Variants in UNC13C observed in about 807,000 individuals in gnomAD.
UNC13C encodes unc-13 homolog C, also known as protein unc-13 homolog C.
UNC13C carries 174 observed loss-of-function variants against 245.4 expected under a neutral mutation model. The observed-to-expected ratio is 0.71, with a 90% CI of 0.63 to 0.80. UNC13C has a LOEUF of 0.80. UNC13C is among the 30% of genes least tolerant of loss of function. The probability of loss-of-function intolerance (pLI) is 0.00; values close to 1 mark genes in which losing one functional copy is unlikely to be tolerated. For synonymous variants in UNC13C, 992 were observed against 895.1 expected (o/e 1.11, Z -1.93); for missense variants, 2,829 against 2,602.9 (o/e 1.09, Z -1.89).
At chr15:54,076,724 C>T (rs1054845355) in intron 2 of UNC13C, among the ~76,000 whole-genome samples, 2 of 152,124 alleles carry the variant, frequency 1.3e-5, no homozygotes. Flanking sequence ...ACCCAACACA[C>T]AAATACACAC....
chr15:54,027,097 A>T (rs978223218), intron 2 of UNC13C, among the ~76,000 whole-genome samples: 1 of 152,014 alleles, frequency 6.6e-6, no homozygotes, highest in South Asian at 2.1e-4. Context: ...AAAGGAAAAG[A>T]TCCCCTCAGG....
the UNC13C span, among the ~76,000 whole-genome samples, chr15:53,866,956 T>C: frequency 6.6e-6 from 1 of 152,180 alleles, no homozygotes; most frequent in African/African-American, 2.4e-5. Context: ...TTGGAAATGG[T>C]TTCAGGTTGT....
At chr15:54,076,734 C>A (rs180880647) in intron 2 of UNC13C, among the ~76,000 whole-genome samples, 24 of 152,248 alleles carry the variant, frequency 1.6e-4, no homozygotes, top group Non-Finnish European at 2.2e-4. Context: ...CAAATACACA[C>A]CTTTACCTTC....
intron 19 of UNC13C, among the ~76,000 whole-genome samples, chr15:54,460,872 C>T (rs1211717518): frequency 6.6e-6 from 1 of 152,176 alleles, no homozygotes; most frequent in East Asian, 1.9e-4. Context: ...ATTTTCCTCT[C>T]AAGTCTAGAA....
rs143743140 is a variant in UNC13C, at chr15:54,394,525, TTG to T, written c.4847+1348_4847+1349del. Among the ~76,000 whole-genome samples the T allele has an allele frequency of 4.2e-3, 644 of 151,598 alleles. 30 individuals carry two copies. The East Asian group carries it at 0.091, about 21-fold the overall frequency. On this transcript the variant is annotated intron_variant, in intron 18 of 32. Coordinates refer to ENST00000260323, the MANE Select transcript of UNC13C (RefSeq NM_001080534.3). ...TCTCTGACAGCTTTGTAGAATAGAG[TTG>T]TGTTTTCTTATTTACTCTTTGGACC...
At chr15:53,993,127 A>G (rs1183596454) in intron 1 of UNC13C, among the ~76,000 whole-genome samples, 2 of 152,200 alleles carry the variant, frequency 1.3e-5, no homozygotes, top group East Asian at 3.9e-4. Flanking sequence ...CTTCCTTGCT[A>G]TCAATTTTCT....
chr15:54,502,641 T>G (rs993615952), intron 22 of UNC13C, among the ~76,000 whole-genome samples: 2 of 152,148 alleles, frequency 1.3e-5, no homozygotes, highest in African/African-American at 2.4e-5. Context: ...TTAGGAATAG[T>G]GTTTGACAAA....
Position 54,329,552 on chromosome 15 carries a change from G to A in UNC13C, c.4426-2491G>A, listed in dbSNP as rs369164453. Among the ~76,000 whole-genome samples the A allele has an allele frequency of 3.9e-5, 6 of 151,988 alleles. No individual in the cohort carries two copies. In the East Asian group the frequency reaches 5.8e-4, roughly 15 times the overall value. On this transcript the variant is annotated intron_variant, in intron 14 of 32. Transcript: ENST00000260323. ...ACATTTTTTAATCACCCAGTCTTTC[G>A]TTATTCCACAAATCACACCCTACAG...
At chr15:54,592,953 T>C (rs962529678) in intron 30 of UNC13C, among the ~76,000 whole-genome samples, 2 of 152,082 alleles carry the variant, frequency 1.3e-5, no homozygotes, top group Non-Finnish European at 2.9e-5. Flanking sequence ...GTTTCCAGGA[T>C]TTGTTTCAAG....
At chr15:53,961,385 A>C in the UNC13C span, among the ~76,000 whole-genome samples, 25 of 152,358 alleles carry the variant, frequency 1.6e-4, no homozygotes, top group African/African-American at 5.8e-4. Context: ...CTGGTGTTCT[A>C]GATCTTTTGT....
intron 1 of UNC13C, among the ~76,000 whole-genome samples, chr15:53,995,812 AAG>A (rs1257175536): frequency 7.9e-5 from 12 of 152,288 alleles, no homozygotes; most frequent in Admixed American, 7.2e-4. Context: ...TGCCCAATAA[AAG>A]AGAAATTTCA....
chr15:54,249,818 G>A (rs1349367503), intron 7 of UNC13C, among the ~76,000 whole-genome samples: 1 of 152,162 alleles, frequency 6.6e-6, no homozygotes, highest in Non-Finnish European at 1.5e-5. Flanking sequence ...ATTCCTTGGG[G>A]CTGAGGAGGG....
chr15:54,355,495 T>C (rs951162345), intron 17 of UNC13C, among the ~76,000 whole-genome samples: 1 of 152,054 alleles, frequency 6.6e-6, no homozygotes, highest in African/African-American at 2.4e-5. Context: ...AAGCTGGGGC[T>C]ACAGGCACGC....
At chr15:54,543,863 G>C (rs568425824) in intron 26 of UNC13C, among the ~76,000 whole-genome samples, 1 of 152,184 alleles carries the variant, frequency 6.6e-6, no homozygotes, top group Admixed American at 6.5e-5. Context: ...TTCTACCAGA[G>C]GTACAAAGAG....
intron 19 of UNC13C, among the ~76,000 whole-genome samples, chr15:54,483,565 A>T (rs11071086): frequency 6.6e-6 from 1 of 151,870 alleles, no homozygotes; most frequent in African/African-American, 2.4e-5. Context: ...GCGCGATCTC[A>T]GCTCACTGCA....
At chr15:54,095,861 T>C (rs1226690138) in intron 2 of UNC13C, among the ~76,000 whole-genome samples, 1 of 152,144 alleles carries the variant, frequency 6.6e-6, no homozygotes, top group Non-Finnish European at 1.5e-5. Flanking sequence ...TTCCATGGGA[T>C]TTTAGAGGGG....
chr15:54,034,122 T>C (rs748287152), intron 2 of UNC13C, among the ~76,000 whole-genome samples: 4 of 152,202 alleles, frequency 2.6e-5, no homozygotes, highest in Non-Finnish European at 5.9e-5. Flanking sequence ...GTGTATTGGA[T>C]CACCCAGCCT....
At chr15:53,903,581 A>C in the UNC13C span, among the ~76,000 whole-genome samples, 2 of 152,196 alleles carry the variant, frequency 1.3e-5, no homozygotes, top group East Asian at 1.9e-4. Context: ...CCCTCAGCCA[A>C]ATCAACAGAG....
intron 4 of UNC13C, among the ~76,000 whole-genome samples, chr15:54,189,518 A>G (rs2141321905): frequency 6.6e-6 from 1 of 152,318 alleles, no homozygotes; most frequent in Middle Eastern, 3.4e-3. Flanking sequence ...AACTTGGAGC[A>G]TATTAGAGTG....
Sources: gnomAD v4.1 joint callset for allele counts (sites outside exome capture counted in the v4.1 genomes callset) on GRCh38, gnomAD v4.1.1 for gene constraint, MANE v1.5 for transcripts, NCBI Gene and HGNC (gene_info 2026-07-23, HGNC 2026-07-21) for gene names.